The following TRAT1 variants were observed in gnomAD, a reference collection of about 807,000 sequenced individuals.
TRAT1 encodes the protein T cell receptor associated transmembrane adaptor 1.
Under a neutral mutation model 20.0 loss-of-function variants are expected in TRAT1, and 20 were observed. The ratio of observed to expected loss-of-function variants is 1.00; its 90% CI spans 0.70 to 1.45. TRAT1 has a LOEUF of 1.45. Ranked by LOEUF, TRAT1 falls within the 40% of genes most tolerant of loss-of-function variation. The pLI is 0.00. For synonymous variants in TRAT1, 77 were observed against 74.2 expected (o/e 1.04, Z -0.20); for missense variants, 237 against 224.1 (o/e 1.06, Z -0.37).
At chr3:108,843,637 G>A (rs1462361270) in intron 3 of TRAT1, among the ~76,000 whole-genome samples, 2 of 152,156 alleles carry the variant, frequency 1.3e-5, no homozygotes, top group Non-Finnish European at 2.9e-5. Context: ...AAACTTGAAA[G>A]GTCCCTCTAT....
chr3:108,836,415 A>G (rs541575316), intron 2 of TRAT1, among the ~76,000 whole-genome samples: 7 of 152,090 alleles, frequency 4.6e-5, no homozygotes, highest in African/African-American at 1.7e-4. Flanking sequence ...GTTTTTGCTG[A>G]TTTTTTTCCT....
chr3:108,842,739 C>G (rs1406197668), intron 3 of TRAT1, among the ~76,000 whole-genome samples: 1 of 152,184 alleles, frequency 6.6e-6, no homozygotes, highest in Non-Finnish European at 1.5e-5. Context: ...CAGTTCTTTC[C>G]AGTATCCTTT....
intron 3 of TRAT1, among the ~76,000 whole-genome samples, chr3:108,846,498 A>C (rs924700634): frequency 6.6e-6 from 1 of 152,066 alleles, no homozygotes; most frequent in African/African-American, 2.4e-5. Context: ...ATAGGTGATC[A>C]ATCATTTTAT....
At chr3:108,846,030 G>A (rs1285650178) in intron 3 of TRAT1, among the ~76,000 whole-genome samples, 1 of 152,218 alleles carries the variant, frequency 6.6e-6, no homozygotes, top group Non-Finnish European at 1.5e-5. Flanking sequence ...GGGTCGGGGA[G>A]ACATAAAACT....
At chr3:108,832,750 C>T (rs1394813548) in intron 2 of TRAT1, among the ~76,000 whole-genome samples, 1 of 152,162 alleles carries the variant, frequency 6.6e-6, no homozygotes, top group African/African-American at 2.4e-5. Flanking sequence ...CATTGACATG[C>T]TTACCTTGAG....
chr3:108,849,854 A>G (rs1242967203), intron 5 of TRAT1, among the ~76,000 whole-genome samples: 6 of 152,212 alleles, frequency 3.9e-5, no homozygotes, highest in Non-Finnish European at 2.9e-5. Flanking sequence ...TCCTACCACA[A>G]TCTGTTCAAC....
intron 1 of TRAT1, among the ~76,000 whole-genome samples, chr3:108,829,740 T>C (rs923813063): frequency 3.3e-5 from 5 of 152,182 alleles, no homozygotes; most frequent in Non-Finnish European, 5.9e-5. Context: ...AATGCATTAC[T>C]CATATGTTTA....
Position 108,833,443 on chromosome 3 carries a change from A to G in TRAT1, c.118+2663A>G, listed in dbSNP as rs1576519313. Among the ~76,000 whole-genome samples, 3 of 152,022 alleles carry G rather than the reference A, an allele frequency of 2.0e-5. No homozygotes were observed. The South Asian group carries it at 6.2e-4, about 32-fold the overall frequency. Reference sequence around the variant, plus strand: ...AAACAAAACAAAACAAAAAAAAACCACGTTTTCATTTTGTTATTTCAGGAC... The same window carrying G: ...AAACAAAACAAAACAAAAAAAAACCGCGTTTTCATTTTGTTATTTCAGGAC... On this transcript the variant is annotated intron_variant, in intron 2 of 5. Transcript: ENST00000295756.
At chr3:108,832,514 C>A (rs780805203) in intron 2 of TRAT1, among the ~76,000 whole-genome samples, 7 of 152,136 alleles carry the variant, frequency 4.6e-5, no homozygotes, top group Non-Finnish European at 8.8e-5. Flanking sequence ...TAGCACTTTG[C>A]TTTATATATC....
Position 108,838,346 on chromosome 3 carries a change from TATAGATAGATGATAGATAGATAG to T in TRAT1, c.119-577_119-555del, listed in dbSNP as rs1307869723. 2.8e-3 allele frequency among the ~76,000 whole-genome samples: 402 copies of T among 143,384 alleles called. 1 individual carries two copies. The highest frequency in any genetic ancestry group is 8.0e-3 in the African/African-American group (289 of 36,256). The allele number at this position is 143,384 out of a possible 152,430, so 94.1% of individuals were successfully genotyped here. A position where few individuals can be genotyped will look rare whatever the true frequency, so the allele number is the denominator to read the frequency against. On this transcript the variant is annotated intron_variant, in intron 2 of 5. Coordinates refer to ENST00000295756, the MANE Select transcript of TRAT1 (RefSeq NM_016388.4). ...GATAGATAGATAGATAGATGATAGA[TATAGATAGATGATAGATAGATAG>T]ATAGATAGATAGATAGATAGATAGA... is the stretch of plus-strand genomic sequence containing the variant.
chr3:108,845,901 T>A (rs1945938044), intron 3 of TRAT1, among the ~76,000 whole-genome samples: 1 of 152,156 alleles, frequency 6.6e-6, no homozygotes, highest in Non-Finnish European at 1.5e-5. Context: ...GACAGTCTAG[T>A]GACAATGGTA....
At chr3:108,828,180 A>G (rs1233514069) in intron 1 of TRAT1, among the ~76,000 whole-genome samples, 7 of 152,304 alleles carry the variant, frequency 4.6e-5, no homozygotes, top group African/African-American at 7.2e-5. Flanking sequence ...TACTCAAACC[A>G]TAACTATGTA....
chr3:108,833,037 T>A (rs1310893732), intron 2 of TRAT1, among the ~76,000 whole-genome samples: 1 of 152,228 alleles, frequency 6.6e-6, no homozygotes, highest in African/African-American at 2.4e-5. Context: ...CCCACATGCA[T>A]ACCTTTTTGC....
intron 2 of TRAT1, among the ~76,000 whole-genome samples, chr3:108,831,674 G>C (rs569160611): frequency 1.3e-4 from 20 of 151,824 alleles, no homozygotes; most frequent in African/African-American, 4.8e-4. Flanking sequence ...CAAGTAGCTA[G>C]GATTACAGGC....
chr3:108,837,915 A>C (rs996730746), intron 2 of TRAT1, among the ~76,000 whole-genome samples: 3 of 152,180 alleles, frequency 2.0e-5, no homozygotes, highest in African/African-American at 7.2e-5. Context: ...AATTAAAGAA[A>C]ATTCTTAAAA....
intron 5 of TRAT1, among the ~76,000 whole-genome samples, chr3:108,849,864 C>A (rs894249741): frequency 6.6e-6 from 1 of 152,038 alleles, no homozygotes; most frequent in Non-Finnish European, 1.5e-5. Context: ...ATCTGTTCAA[C>A]CTCTTCAGTT....
intron 2 of TRAT1, among the ~76,000 whole-genome samples, chr3:108,833,216 G>A (rs899419163): frequency 4.6e-5 from 7 of 152,086 alleles, no homozygotes; most frequent in Non-Finnish European, 4.4e-5. Context: ...TCAGGAGTTC[G>A]AGACCAGCCT....
At chr3:108,830,153 G>A (rs899562825) in intron 1 of TRAT1, among the ~76,000 whole-genome samples, 1 of 152,146 alleles carries the variant, frequency 6.6e-6, no homozygotes, top group Admixed American at 6.6e-5. Flanking sequence ...TACATAGTAT[G>A]AGAAAAGCTC....
chr3:108,827,805 C>T (rs1395197965), intron 1 of TRAT1, among the ~76,000 whole-genome samples: 7 of 152,094 alleles, frequency 4.6e-5, no homozygotes, highest in African/African-American at 1.7e-4. Context: ...AACGACAAAA[C>T]ACAACCCTAA....
Sources: gnomAD v4.1 joint callset for allele counts (sites outside exome capture counted in the v4.1 genomes callset) on GRCh38, gnomAD v4.1.1 for gene constraint, MANE v1.5 for transcripts, NCBI Gene and HGNC (gene_info 2026-07-23, HGNC 2026-07-21) for gene names.